GSE1: variants seen among roughly 807,000 people sequenced by gnomAD.
The protein encoded by GSE1 is Gse1 coiled-coil protein.
A neutral mutation model predicts 112.6 loss-of-function variants in GSE1; 32 were observed. The ratio of observed to expected loss-of-function variants is 0.28; its 90% CI spans 0.21 to 0.38. GSE1 has a LOEUF of 0.38. Ranked by LOEUF, GSE1 falls within the 10% of genes least tolerant of loss-of-function variation. The pLI is 1.00. For missense variants in GSE1, 2,348 were observed against 1,699.2 expected (o/e 1.38, Z -6.71); for synonymous variants, 1,115 against 735.6 (o/e 1.52, Z -8.35).
At chr16:85,424,167 C>T (rs1368795091) in intron 2 of GSE1, among the ~76,000 whole-genome samples, 7 of 152,358 alleles carry the variant, frequency 4.6e-5, no homozygotes, top group Admixed American at 3.9e-4. Context: ...AATGACAACC[C>T]GCTTTAATGC....
At chr16:85,252,308 G>A (rs1906575222) in intron 1 of GSE1, among the ~76,000 whole-genome samples, 1 of 152,234 alleles carries the variant, frequency 6.6e-6, no homozygotes, top group African/African-American at 2.4e-5. Context: ...GCAGGAGGGG[G>A]CTGGACCTGT....
rs1555552704 is a variant in GSE1 at position 85,633,893 on chromosome 16, GTTC to G, written c.8-15_8-13del. The G allele has an allele frequency of 6.3e-7, 1 of 1,595,480 alleles. No individual in the cohort carries two copies. Among genetic ancestry groups the G allele is most frequent in the Non-Finnish European group, 8.6e-7 (1 of 1,167,194 alleles). Reference sequence around the variant, plus strand: ...GCTCCTGCTCTCTGGGTGACCTCTGGTTCTTCTTTTCCTGTTTCAGGCATGAGC... The same window carrying G: ...GCTCCTGCTCTCTGGGTGACCTCTGGTTCTTTTCCTGTTTCAGGCATGAGC... On this transcript the variant is annotated intron_variant, in intron 1 of 15. Transcript: ENST00000253458.
At chr16:85,506,850 A>G (rs2051551985) in intron 2 of GSE1, among the ~76,000 whole-genome samples, 1 of 152,098 alleles carries the variant, frequency 6.6e-6, no homozygotes, top group Non-Finnish European at 1.5e-5. Flanking sequence ...CTTATAGCTT[A>G]GTGAGGGGAC....
At chr16:85,315,966 G>C (rs1597376717) in intron 1 of GSE1, among the ~76,000 whole-genome samples, 1 of 152,226 alleles carries the variant, frequency 6.6e-6, no homozygotes, top group Non-Finnish European at 1.5e-5. Flanking sequence ...AGGCTGGAGG[G>C]GCAGGGCTGG....
At chr16:85,415,651 T>C (rs187822494) in intron 2 of GSE1, among the ~76,000 whole-genome samples, 113 of 152,346 alleles carry the variant, frequency 7.4e-4, no homozygotes, top group African/African-American at 2.6e-3. Flanking sequence ...TGGAAGAAGA[T>C]TCATTCCCTG....
At chr16:85,511,101 C>T (rs926959173) in intron 2 of GSE1, among the ~76,000 whole-genome samples, 1 of 152,244 alleles carries the variant, frequency 6.6e-6, no homozygotes, top group African/African-American at 2.4e-5. Flanking sequence ...GTGCCTGGCA[C>T]TCAGTGAACA....
At chr16:85,551,794 C>T (rs779456767), upstream of GSE1, among the ~76,000 whole-genome samples, 13 of 152,346 alleles carry the variant, frequency 8.5e-5, no homozygotes, top group East Asian at 1.9e-4. Context: ...TGGCTAAAAG[C>T]AATTAGGGCT....
intron 2 of GSE1, among the ~76,000 whole-genome samples, chr16:85,396,631 G>A (rs925522053): frequency 6.6e-6 from 1 of 152,250 alleles, no homozygotes; most frequent in African/African-American, 2.4e-5. Flanking sequence ...CCGATTGGGA[G>A]CAGGATTTCT....
chr16:85,376,285 G>A (rs2047418611), intron 2 of GSE1, among the ~76,000 whole-genome samples: 1 of 152,220 alleles, frequency 6.6e-6, no homozygotes, highest in South Asian at 2.1e-4. Flanking sequence ...GGGAAATGGG[G>A]ATGATCGAGG....
At chr16:85,299,183 T>C (rs2045449706) in intron 1 of GSE1, among the ~76,000 whole-genome samples, 1 of 152,218 alleles carries the variant, frequency 6.6e-6, no homozygotes, top group Non-Finnish European at 1.5e-5. Flanking sequence ...GAAAATACAT[T>C]TGGGGTTGTC....
chr16:85,644,857 AT>A (rs11298953), intron 2 of GSE1, among the ~76,000 whole-genome samples: 93,872 of 150,974 alleles, frequency 0.62, 30,831 homozygotes, highest in African/African-American at 0.85. Flanking sequence ...GTTCCATGGA[AT>A]TTTTTTTTTT....
At chr16:85,388,114 AAGT>A (rs2047733000) in intron 2 of GSE1, among the ~76,000 whole-genome samples, 1 of 88,956 alleles carries the variant, frequency 1.1e-5, no homozygotes, top group Non-Finnish European at 2.2e-5. Flanking sequence ...GTGGATGGGT[AAGT>A]GGACGGATGG....
chr16:85,329,042 C>T (rs1313188688), intron 1 of GSE1, among the ~76,000 whole-genome samples: 1 of 152,152 alleles, frequency 6.6e-6, no homozygotes, highest in African/African-American at 2.4e-5. Flanking sequence ...GCTGCCCCGC[C>T]CCTAGTGGAG....
At chr16:85,663,742 C>T (rs1470658350) in intron 11 of GSE1, 128 bp downstream of exon 11, 8 of 908,190 alleles carry the variant, frequency 8.8e-6, no homozygotes, top group Non-Finnish European at 1.2e-5. Context: ...CCCCTTTACT[C>T]CTCCCGGCTC....
At chr16:85,508,828 C>G (rs1235189741) in intron 2 of GSE1, among the ~76,000 whole-genome samples, 1 of 152,188 alleles carries the variant, frequency 6.6e-6, no homozygotes. Flanking sequence ...GAGAAAGGTT[C>G]GTAACTGTGT....
intron 1 of GSE1, among the ~76,000 whole-genome samples, chr16:85,300,147 G>A (rs934803649): frequency 4.9e-4 from 75 of 151,950 alleles, no homozygotes; most frequent in Admixed American, 3.9e-3. Context: ...GAGTAGCTGG[G>A]ATTACAGGCA....
Position 85,666,132 on chromosome 16 carries a change from A to T in GSE1, c.2915A>T (p.Glu972Val), listed in dbSNP as rs747835697. 4.3e-6 allele frequency: 7 copies of T among 1,613,180 alleles called. No homozygotes were observed. The highest frequency in any genetic ancestry group is 5.9e-6 in the Non-Finnish European group (7 of 1,179,948). Residue 972 changes from glutamate to valine, a missense_variant, in exon 13 of 16, where the codon GAG becomes GTG. Glu to Val is a moderately radical substitution (Grantham distance 121). Transcript: ENST00000253458. ...RVQELAPASG[E>V]KARLSEAPGG... ...CAGGAGCTAGCTCCTGCCAGCGGGG[A>T]GAAGGCCAGGCTGAGCGAGGCCCCT...
At chr16:85,579,146 T>C (rs1310872378) in intron 1 of GSE1, among the ~76,000 whole-genome samples, 1 of 152,166 alleles carries the variant, frequency 6.6e-6, no homozygotes. Flanking sequence ...TGGTGTCAGC[T>C]TGGAGCTTCT....
intron 2 of GSE1, among the ~76,000 whole-genome samples, chr16:85,382,708 C>T (rs1311142138): frequency 6.6e-6 from 1 of 151,234 alleles, no homozygotes; most frequent in Admixed American, 6.6e-5. Context: ...CATGGCACCT[C>T]ACACATGCAC....
Sources: allele counts gnomAD v4.1 joint callset (sites outside exome capture counted in the v4.1 genomes callset), GRCh38; gene constraint gnomAD v4.1.1; transcripts MANE v1.5; gene names NCBI Gene and HGNC (gene_info 2026-07-23, HGNC 2026-07-21).